Variants in CELF2 observed in about 807,000 individuals in gnomAD.
CELF2 encodes CUG triplet repeat RNA-binding protein 2.
In CELF2, 8 loss-of-function variants were observed where a neutral mutation model predicts 62.6. The ratio of observed to expected loss-of-function variants is 0.13; its 90% CI spans 0.07 to 0.23. CELF2 has a LOEUF of 0.23. CELF2 is among the 10% of genes least tolerant of loss of function. CELF2 has a pLI of 1.00. For missense variants in CELF2, 333 were observed against 671.0 expected, an observed-to-expected ratio of 0.50 and a Z score of 5.56; for synonymous variants, 258 against 250.0, an observed-to-expected ratio of 1.03 and a Z score of -0.30.
chr10:10,799,930 C>T (rs1012662384), intron 1 of CELF2, among the ~76,000 whole-genome samples: 4 of 152,124 alleles, frequency 2.6e-5, no homozygotes, highest in Non-Finnish European at 5.9e-5. Context: ...TTCCAAATAC[C>T]TTCCCCAAAA....
Position 11,257,884 on chromosome 10 carries a change from G to C in CELF2, c.538+12G>C. ...TGGGCTGAGTCGAGGTGAGTGTGCT[G>C]TCTGGAAAGCCTCTCCCCTTCAGTG... is the stretch of plus-strand genomic sequence containing the variant. On this transcript the variant is annotated intron_variant, in intron 5 of 12. Transcript: ENST00000633077. 1 of 1,613,968 alleles carries C rather than the reference G, an allele frequency of 6.2e-7. No homozygotes were observed.
At chr10:10,717,829 T>C in the CELF2 span, among the ~76,000 whole-genome samples, 1 of 152,178 alleles carries the variant, frequency 6.6e-6, no homozygotes, top group Non-Finnish European at 1.5e-5. Context: ...AGGAGGGTGC[T>C]ATCCTCTAGG....
chr10:10,508,406 T>G, the CELF2 span, among the ~76,000 whole-genome samples: 1 of 152,222 alleles, frequency 6.6e-6, no homozygotes, highest in Non-Finnish European at 1.5e-5. Flanking sequence ...AAATCCTTAG[T>G]GCAGCTGCTT....
At chr10:10,793,295 A>T in the CELF2 span, among the ~76,000 whole-genome samples, 2 of 152,234 alleles carry the variant, frequency 1.3e-5, no homozygotes, top group Non-Finnish European at 2.9e-5. Context: ...ACATTCATTT[A>T]TCTAAAAAAG....
intron 1 of CELF2, among the ~76,000 whole-genome samples, chr10:10,899,116 T>C (rs982193359): frequency 1.3e-5 from 2 of 152,218 alleles, no homozygotes; most frequent in East Asian, 1.9e-4. Context: ...TAAACCTCTA[T>C]GGTTAGAAAC....
Position 11,156,690 on chromosome 10 carries a change from T to C in CELF2, c.75-8796T>C, listed in dbSNP as rs2064486774. Among the ~76,000 whole-genome samples, 3 of 152,188 alleles carry C rather than the reference T, an allele frequency of 2.0e-5. No homozygotes were observed. Among genetic ancestry groups the C allele is most frequent in the African/African-American group, 4.8e-5 (2 of 41,444 alleles). ...ATGAGACATCCCTGTCTTCAGGATG[T>C]CACACTTCCACCATGCACTTGATGG... On this transcript the variant is annotated intron_variant, in intron 1 of 12. Coordinates refer to ENST00000633077, the MANE Select transcript of CELF2 (RefSeq NM_001326342.2). The surrounding 1 kb of genome is among the most constrained non-coding windows in gnomAD (Gnocchi z 4.3).
At chr10:11,055,052 T>C (rs1435590781) in intron 1 of CELF2, among the ~76,000 whole-genome samples, 1 of 152,250 alleles carries the variant, frequency 6.6e-6, no homozygotes, top group African/African-American at 2.4e-5. Context: ...TGAGCTGTTG[T>C]AGATTTTGAA....
intron 1 of CELF2, among the ~76,000 whole-genome samples, chr10:11,119,727 G>A (rs1010520475): frequency 4.6e-5 from 7 of 151,956 alleles, no homozygotes; most frequent in African/African-American, 1.7e-4. Flanking sequence ...AGTCGTAAAT[G>A]TACACATGAA....
Position 10,931,725 on chromosome 10 carries a change from T to G in CELF2, c.89+11726T>G, listed in dbSNP as rs545569647. Among the ~76,000 whole-genome samples, 6 of 152,306 alleles carry G rather than the reference T, an allele frequency of 3.9e-5. No individual in the cohort carries two copies. The highest frequency in any genetic ancestry group is 3.3e-4 in the Admixed American group (5 of 15,296). ...TGCTTATGGACACCACAATGAAACC[T>G]TAAAATGAATCTCTTGATAATAGCA... On this transcript the variant is annotated intron_variant, in intron 2 of 13. Transcript: ENST00000636488. The surrounding 1 kb of genome is among the most constrained non-coding windows in gnomAD (Gnocchi z 6.1).
At chr10:10,571,823 G>A in the CELF2 span, among the ~76,000 whole-genome samples, 4 of 152,142 alleles carry the variant, frequency 2.6e-5, no homozygotes, top group South Asian at 2.1e-4. Flanking sequence ...GTATAGGCAC[G>A]GACGGAATTC....
At chr10:10,883,132 G>A (rs992605180) in intron 1 of CELF2, among the ~76,000 whole-genome samples, 2 of 152,096 alleles carry the variant, frequency 1.3e-5, no homozygotes, top group African/African-American at 4.8e-5. Flanking sequence ...CTGTCATTCT[G>A]CTAATCTAGT....
Position 11,164,214 on chromosome 10 carries a change from C to T in CELF2, c.75-1272C>T, listed in dbSNP as rs1408460569. Among the ~76,000 whole-genome samples the T allele has an allele frequency of 2.6e-5, 4 of 152,174 alleles. No individual in the cohort carries two copies. In the East Asian group the frequency reaches 7.7e-4, roughly 29 times the overall value. On this transcript the variant is annotated intron_variant, in intron 1 of 12. Transcript: ENST00000633077. ...AAATGAGCTGCCGAGAGGCATTCAG[C>T]CTTGTCACTTGGCAGAGTAGCTGGG...
intron 2 of CELF2, among the ~76,000 whole-genome samples, chr10:10,933,420 A>G (rs2066299254): frequency 1.3e-5 from 2 of 152,236 alleles, no homozygotes; most frequent in Admixed American, 1.3e-4. Context: ...GTCATCTCAT[A>G]CAATTATCAT....
the CELF2 span, among the ~76,000 whole-genome samples, chr10:10,541,252 A>AAT: frequency 6.6e-6 from 1 of 151,266 alleles, no homozygotes; most frequent in Non-Finnish European, 1.5e-5. Flanking sequence ...CAAAAAAAAA[A>AAT]AAAAAAAAGA....
chr10:10,881,041 A>G (rs897804850), intron 1 of CELF2, among the ~76,000 whole-genome samples: 6 of 152,320 alleles, frequency 3.9e-5, no homozygotes, highest in Admixed American at 6.5e-5. Flanking sequence ...TGATTGCTAC[A>G]GTAAATAGAT....
chr10:11,218,142 G>A (rs965352960), intron 3 of CELF2, among the ~76,000 whole-genome samples: 4 of 152,168 alleles, frequency 2.6e-5, no homozygotes, highest in African/African-American at 7.2e-5. Flanking sequence ...CCAGAATACA[G>A]TTTTTCTAAA....
At chr10:10,559,906 T>G in the CELF2 span, among the ~76,000 whole-genome samples, 6 of 152,188 alleles carry the variant, frequency 3.9e-5, no homozygotes, top group African/African-American at 1.2e-4. Flanking sequence ...AAAATCGTTA[T>G]TGAATGCAAA....
chr10:11,131,770 T>A (rs892011286), intron 1 of CELF2, among the ~76,000 whole-genome samples: 6 of 152,190 alleles, frequency 3.9e-5, no homozygotes, highest in African/African-American at 1.4e-4. Flanking sequence ...CTTTGGTGAC[T>A]TTTTTTGGGA....
At position 11,319,725 on chromosome 10, in the gene CELF2, C is replaced by CA. The variant is rs2095317261; in HGVS notation, c.1097-1463dup. The CA allele has an allele frequency of 2.1e-6, 1 of 468,354 alleles. No homozygotes were observed. Among genetic ancestry groups the CA allele is most frequent in the Non-Finnish European group, 4.4e-6 (1 of 225,554 alleles). The allele number at this position is 468,354 out of a possible 1,614,324, so 29.0% of individuals were successfully genotyped here. ...TGCTTGGTGTCTGTTCTGAGAAGCA[C>CA]AGGAATACCCGAGGTGAGGCACAAT... On this transcript the variant is annotated intron_variant, in intron 10 of 12. Coordinates refer to ENST00000633077, the MANE Select transcript of CELF2 (RefSeq NM_001326342.2). The surrounding 1 kb of genome is among the most constrained non-coding windows in gnomAD (Gnocchi z 4.4).
Sources: gnomAD v4.1 joint callset for allele counts (sites outside exome capture counted in the v4.1 genomes callset) on GRCh38, gnomAD v4.1.1 for gene constraint, Gnocchi (gnomAD v3.1) non-coding constraint, MANE v1.5 for transcripts, NCBI Gene and HGNC (gene_info 2026-07-23, HGNC 2026-07-21) for gene names.